Variants in TMPRSS4 observed in about 807,000 individuals in gnomAD.
The protein encoded by TMPRSS4 is transmembrane serine protease 4, also known as transmembrane protease serine 4.
A neutral mutation model predicts 56.4 loss-of-function variants in TMPRSS4; 45 were observed. The observed-to-expected ratio is 0.80, with a 90% CI of 0.63 to 1.02. The LOEUF (loss-of-function observed/expected upper bound fraction) is 1.02, where lower values mean the gene tolerates loss of function less well. TMPRSS4 is among the 50% of genes least tolerant of loss of function. The pLI is 0.00. For missense variants in TMPRSS4, 546 were observed against 556.7 expected, an observed-to-expected ratio of 0.98 and a Z score of 0.19; for synonymous variants, 205 against 211.0, an observed-to-expected ratio of 0.97 and a Z score of 0.25.
At chr11:118,090,089 G>A (rs192776437) in intron 1 of TMPRSS4, among the ~76,000 whole-genome samples, 212 of 152,146 alleles carry the variant, frequency 1.4e-3, no homozygotes, top group African/African-American at 4.8e-3. Flanking sequence ...AGATCCACCC[G>A]CCTCAGCCTC....
At chr11:118,077,726 T>C (rs1353671371) in intron 1 of TMPRSS4, among the ~76,000 whole-genome samples, 1 of 152,132 alleles carries the variant, frequency 6.6e-6, no homozygotes, top group East Asian at 1.9e-4. Flanking sequence ...TAAAGAAAAG[T>C]GTAGACTGGG....
chr11:118,112,884 A>T (rs1315422941), intron 8 of TMPRSS4, among the ~76,000 whole-genome samples: 1 of 147,210 alleles, frequency 6.8e-6, no homozygotes, highest in Non-Finnish European at 1.5e-5. Context: ...CTGGAAAAAC[A>T]TCTCTGCACA....
chr11:118,117,852 T>C, intron 12 of TMPRSS4, 50 bp from the exon 13 acceptor site: 1 of 1,614,064 alleles, frequency 6.2e-7, no homozygotes, highest in South Asian at 1.1e-5. Flanking sequence ...CACCACTTTG[T>C]CCAGTTTCAG....
At chr11:118,116,497 A>G (rs1218031805) in intron 11 of TMPRSS4, among the ~76,000 whole-genome samples, 1 of 152,188 alleles carries the variant, frequency 6.6e-6, no homozygotes, top group African/African-American at 2.4e-5. Flanking sequence ...GGACTCCCAG[A>G]TAAGTGCACT....
chr11:118,107,622 A>G (rs1947058784), intron 5 of TMPRSS4, 152 bp from the exon 6 acceptor site: 1 of 597,732 alleles, frequency 1.7e-6, no homozygotes, highest in South Asian at 2.3e-5. Flanking sequence ...AGCAGGCCCC[A>G]TCTTCACTGA....
intron 1 of TMPRSS4, among the ~76,000 whole-genome samples, chr11:118,094,108 G>T (rs1176961815): frequency 6.6e-6 from 1 of 152,150 alleles, no homozygotes; most frequent in Non-Finnish European, 1.5e-5. Flanking sequence ...TCACACACAG[G>T]TTTTTTGCTG....
At chr11:118,096,162 A>G (rs1216721946) in intron 2 of TMPRSS4, among the ~76,000 whole-genome samples, 1 of 152,274 alleles carries the variant, frequency 6.6e-6, no homozygotes, top group Non-Finnish European at 1.5e-5. Context: ...AAAGAGGACA[A>G]TTCTGAAGAC....
rs1591418369 is a variant in TMPRSS4 at position 118,118,805 on chromosome 11, A to G, written c.*892A>G. The G allele has an allele frequency of 1.0e-6, 1 of 985,450 alleles. No homozygotes were observed. Among genetic ancestry groups the G allele is most frequent in the Non-Finnish European group, 1.2e-6 (1 of 829,944 alleles). 61.0% of individuals were successfully genotyped at this position (985,450 alleles called of 1,614,324 possible). A position where few individuals can be genotyped will look rare whatever the true frequency, so the allele number is the denominator to read the frequency against. ...CAATCAGGGATCCACAAGTGGCTGG[A>G]AAGAAATGCTGGTCCTGTGTCCTAA... On this transcript the variant is annotated 3_prime_UTR_variant, in exon 13 of 13. Coordinates refer to ENST00000437212, the MANE Select transcript of TMPRSS4 (RefSeq NM_019894.4).
intron 3 of TMPRSS4, among the ~76,000 whole-genome samples, chr11:118,101,994 T>G (rs1946743115): frequency 6.6e-6 from 1 of 152,076 alleles, no homozygotes; most frequent in East Asian, 1.9e-4. Context: ...TTTTAATTAT[T>G]TTTTTCTTCA....
rs118161934 is a variant in TMPRSS4 at position 118,088,730 on chromosome 11, G to A, written c.4-6086G>A. 4.1e-4 allele frequency among the ~76,000 whole-genome samples: 63 copies of A among 152,352 alleles called. No homozygotes were observed. The East Asian group carries it at 0.01, about 25-fold the overall frequency. On this transcript the variant is annotated intron_variant, in intron 1 of 12. Coordinates refer to ENST00000437212, the MANE Select transcript of TMPRSS4 (RefSeq NM_019894.4). The stretch of plus-strand genomic sequence containing the variant: ...GCCTTTGCTTGGTCTGGGCTGGGCC[G>A]GGGCTGTAACAGTTGTAGGCAGAAG...
At chr11:118,091,858 T>C (rs534213270) in intron 1 of TMPRSS4, among the ~76,000 whole-genome samples, 2 of 152,148 alleles carry the variant, frequency 1.3e-5, no homozygotes, top group East Asian at 3.9e-4. Flanking sequence ...AGTCGTCCGA[T>C]TGGGTCTCAT....
chr11:118,114,628 G>A (rs183304244), intron 9 of TMPRSS4, among the ~76,000 whole-genome samples: 5 of 152,318 alleles, frequency 3.3e-5, no homozygotes, highest in Admixed American at 2.6e-4. Flanking sequence ...AAAGGAAGTG[G>A]TTGGGGATAT....
chr11:118,080,119 C>A (rs1407883841), intron 1 of TMPRSS4, among the ~76,000 whole-genome samples: 1 of 152,206 alleles, frequency 6.6e-6, no homozygotes, highest in Non-Finnish European at 1.5e-5. Context: ...TTTCACCCTG[C>A]AGGTGCTCAA....
chr11:118,114,442 C>A (rs1297491709), intron 9 of TMPRSS4, among the ~76,000 whole-genome samples: 1 of 152,210 alleles, frequency 6.6e-6, no homozygotes, highest in East Asian at 1.9e-4. Flanking sequence ...CCAGAGCCAC[C>A]TGTGGCTTCC....
chr11:118,098,665 C>A (rs1397495359), intron 2 of TMPRSS4, among the ~76,000 whole-genome samples: 1 of 152,188 alleles, frequency 6.6e-6, no homozygotes, highest in African/African-American at 2.4e-5. Context: ...AGGCCTCTCT[C>A]GGGCAGGCGA....
chr11:118,083,469 G>A (rs1216084646), intron 1 of TMPRSS4, among the ~76,000 whole-genome samples: 2 of 152,134 alleles, frequency 1.3e-5, no homozygotes, highest in African/African-American at 4.8e-5. Context: ...CGGGGCCCAT[G>A]AAATCATAAA....
intron 2 of TMPRSS4, among the ~76,000 whole-genome samples, chr11:118,096,128 T>C (rs1946274641): frequency 6.6e-6 from 1 of 152,114 alleles, no homozygotes; most frequent in African/African-American, 2.4e-5. Flanking sequence ...ATGAACAAAA[T>C]GTCATCATGG....
chr11:118,107,715 C>T, intron 5 of TMPRSS4, 59 bp from the exon 6 acceptor site: 1 of 1,461,872 alleles, frequency 6.8e-7, no homozygotes, highest in Non-Finnish European at 9.5e-7. Flanking sequence ...CCAACTCTAC[C>T]ATCTTGTTCT....
In TMPRSS4 at chr11:118,114,904, G is replaced by A. The variant is rs1947458573; in HGVS notation, c.986G>A (p.Trp329Ter). ...TPATPLWIIGWGFTKQNGGKM... is the reference protein window; with the variant it reads ...TPATPLWIIG ...GCCACCCCACTCTGGATCATTGGAT[G>A]GGGCTTTACGAAGCAGAATGGAGGT... The change falls in exon 10 of 13, where the codon TGG (tryptophan) becomes TAG (stop). Residue 329 changes from tryptophan (W) to a stop codon, truncating the protein, a stop_gained. Transcript: ENST00000437212. LOFTEE classifies it high-confidence loss of function. 1.2e-6 allele frequency: 2 copies of A among 1,604,982 alleles called. No individual in the cohort carries two copies. The highest frequency in any genetic ancestry group is 1.3e-5 in the African/African-American group (1 of 74,856).
Sources: allele counts gnomAD v4.1 joint callset (sites outside exome capture counted in the v4.1 genomes callset), GRCh38; gene constraint gnomAD v4.1.1; transcripts MANE v1.5; gene names NCBI Gene and HGNC (gene_info 2026-07-23, HGNC 2026-07-21).